Variants in CRAMP1 observed in about 807,000 individuals in gnomAD.
CRAMP1 encodes the protein cramped chromatin regulator 1.
Under a neutral mutation model 115.4 loss-of-function variants are expected in CRAMP1, and 50 were observed. That is an observed-to-expected ratio of 0.43 (90% CI 0.35 to 0.55). The LOEUF is 0.55. Among genes scored for constraint, CRAMP1 ranks in the 20% least tolerant of loss-of-function variants. The pLI is 0.01. For synonymous variants in CRAMP1, 866 were observed against 745.4 expected (o/e 1.16, Z -2.64); for missense variants, 1,679 against 1,721.7 (o/e 0.98, Z 0.44).
At chr16:1,624,183 C>T (rs1049516220) in intron 2 of CRAMP1, among the ~76,000 whole-genome samples, 1 of 150,540 alleles carries the variant, frequency 6.6e-6, no homozygotes, top group Non-Finnish European at 1.5e-5. Flanking sequence ...GCCTGAGTCT[C>T]ACTCTGTTGC....
Position 1,666,280 on chromosome 16 carries a change from AT to A in CRAMP1, c.2857+105del. ...TTTCTTCTCCAAATCATAATGTCTCATTACCCTTCACCAAGAACATCTAAGC... is the reference window on the plus strand; with the variant it reads ...TTTCTTCTCCAAATCATAATGTCTCATACCCTTCACCAAGAACATCTAAGC... On this transcript the variant is annotated intron_variant, in intron 15 of 20. Coordinates refer to ENST00000397412, the MANE Select transcript of CRAMP1 (RefSeq NM_020825.4). This position sits in a 1 kb window ranked among gnomAD's most constrained non-coding sequence, Gnocchi z 5.0. The A allele has an allele frequency of 8.5e-7, 1 of 1,171,578 alleles. No homozygotes were observed. Among genetic ancestry groups the A allele is most frequent in the South Asian group, 1.4e-5 (1 of 73,988 alleles). The allele number at this position is 1,171,578 out of a possible 1,614,324, so 72.6% of individuals were successfully genotyped here.
intron 9 of CRAMP1, among the ~76,000 whole-genome samples, chr16:1,655,520 C>T (rs755408661): frequency 7.9e-5 from 12 of 152,186 alleles, no homozygotes; most frequent in Non-Finnish European, 1.0e-4. Flanking sequence ...TCACAGCCAG[C>T]CCTCCACGAT....
In CRAMP1 at chr16:1,655,229, G is replaced by T; in HGVS notation, c.1048G>T (p.Glu350Ter). 6.2e-7 allele frequency: 1 copy of T among 1,613,838 alleles called. No individual in the cohort carries two copies. The highest frequency in any genetic ancestry group is 8.5e-7 in the Non-Finnish European group (1 of 1,179,738). Residue 350 changes from glutamate (E) to a stop codon, truncating the protein, a stop_gained, in exon 9 of 21, where the codon GAG becomes TAG. Transcript: ENST00000397412. LOFTEE classifies it high-confidence loss of function. ...CTGTCGTCTCCGTAGGATGATCGTGGAGCTACATCGAAAGGTCTCCAGCCT... is the reference window on the plus strand; with the variant it reads ...CTGTCGTCTCCGTAGGATGATCGTGTAGCTACATCGAAAGGTCTCCAGCCT... ...AQNPRLRMIV[E>*]LHRKVSSLIE...
Position 1,656,678 on chromosome 16 carries a change from CAGG to C in CRAMP1, c.1924_1926del (p.Glu642del), listed in dbSNP as rs2036778501. The C allele has an allele frequency of 1.3e-6, 2 of 1,569,078 alleles. No individual in the cohort carries two copies. Among genetic ancestry groups the C allele is most frequent in the South Asian group, 1.2e-5 (1 of 85,362 alleles). On this transcript the variant is annotated inframe_deletion, in exon 10 of 21. Transcript: ENST00000397412. This position sits in a 1 kb window ranked among gnomAD's most constrained non-coding sequence, Gnocchi z 5.6. ...GGCAGATGCACCTGCGGAGGAGCTC[CAGG>C]AGAAGGGGAGCCCCGCGGGGCCTCC...
chr16:1,622,985 TC>T (rs1378488940), intron 2 of CRAMP1, among the ~76,000 whole-genome samples: 1 of 152,004 alleles, frequency 6.6e-6, no homozygotes, highest in Non-Finnish European at 1.5e-5. Flanking sequence ...GATCTCGAAT[TC>T]CTGACCTCAA....
intron 3 of CRAMP1, 52 bp downstream of exon 3, chr16:1,626,218 C>A: frequency 7.1e-7 from 1 of 1,404,070 alleles, no homozygotes. Flanking sequence ...CCTCTCGGAT[C>A]CCTGCCCTCC....
At chr16:1,647,055 G>A (rs2036681350) in intron 6 of CRAMP1, 1 of 702,938 alleles carries the variant, frequency 1.4e-6, no homozygotes. Flanking sequence ...AACCTGTCAA[G>A]GTGAGAGATT....
chr16:1,668,102 C>T lies in CRAMP1; in HGVS notation c.3243C>T (p.Pro1081=), dbSNP rs2036891826. ...DVSALLDISL[P]GPPEDALSQG... ...CTGCTCTGCTCGACATCTCCCTGCC[C>T]GGCCCACCTGAGGATGCGCTGTCAC... The change falls in exon 18 of 21, where the codon CCC becomes CCT. Residue 1081 remains proline (P), a synonymous_variant. Transcript: ENST00000397412. The T allele has an allele frequency of 6.8e-6, 11 of 1,613,608 alleles. 1 individual carries two copies. Among genetic ancestry groups the T allele is most frequent in the Middle Eastern group, 1.6e-4 (1 of 6,084 alleles).
intron 6 of CRAMP1, among the ~76,000 whole-genome samples, chr16:1,648,113 A>G (rs1465157280): frequency 1.3e-5 from 2 of 151,896 alleles, no homozygotes; most frequent in African/African-American, 4.8e-5. Context: ...ACTTAGTTTG[A>G]TTGAAGGAAA....
chr16:1,619,372 G>A (rs2036447310), intron 2 of CRAMP1, among the ~76,000 whole-genome samples: 1 of 152,104 alleles, frequency 6.6e-6, no homozygotes, highest in South Asian at 2.1e-4. Flanking sequence ...GTAGAGATGG[G>A]GTTTTACCGT....
At chr16:1,673,717 C>T (rs1453116194) in intron 20 of CRAMP1, among the ~76,000 whole-genome samples, 164 bp from the exon 21 acceptor site, 2 of 152,188 alleles carry the variant, frequency 1.3e-5, no homozygotes, top group Non-Finnish European at 1.5e-5. Context: ...TGCGGGCAGA[C>T]GACAGGTGAT....
chr16:1,659,667 G>T (rs898414603), intron 10 of CRAMP1, among the ~76,000 whole-genome samples: 1 of 152,192 alleles, frequency 6.6e-6, no homozygotes, highest in Admixed American at 6.5e-5. Context: ...GATTACAGGC[G>T]TGAGCCACCG....
chr16:1,670,255 C>G (rs1252602193), intron 19 of CRAMP1, among the ~76,000 whole-genome samples: 1 of 150,816 alleles, frequency 6.6e-6, no homozygotes, highest in Non-Finnish European at 1.5e-5. Flanking sequence ...GAGCGAGACC[C>G]TGCCTTTAAA....
In CRAMP1 at chr16:1,614,753, G is replaced by A. The variant is rs1329081815; in HGVS notation, c.114G>A (p.Ala38=). The change falls in exon 2 of 21, where the codon GCG becomes GCA. Residue 38 remains alanine, a synonymous_variant. Coordinates refer to ENST00000397412, the MANE Select transcript of CRAMP1 (RefSeq NM_020825.4). The surrounding 1 kb of genome is among the most constrained non-coding windows in gnomAD (Gnocchi z 4.4). ...GAGAAGGGGCCGGCGGCGCAGACGC[G>A]GCCGAGGAGAGCAGCGGCACAAAGA... is the stretch of plus-strand genomic sequence containing the variant. ...LEGEGAGGAD[A]AEESSGTKRD... is the part of the protein sequence containing the mutation. 6.6e-6 allele frequency: 9 copies of A among 1,368,584 alleles called. No homozygotes were observed. The highest frequency in any genetic ancestry group is 1.9e-5 in the South Asian group (1 of 53,830). 84.8% of individuals were successfully genotyped at this position (1,368,584 alleles called of 1,614,324 possible).
rs2036974768 is a variant in CRAMP1 at position 1,676,988 on chromosome 16, T to C, written c.*2943T>C. Reference sequence around the variant, plus strand: ...AACCTTTTTAGTTTAATAGCATCTTTAATTAGATCACAGCATTGAATTCAA... The same window carrying C: ...AACCTTTTTAGTTTAATAGCATCTTCAATTAGATCACAGCATTGAATTCAA... On this transcript the variant is annotated 3_prime_UTR_variant, in exon 21 of 21. Transcript: ENST00000397412. The C allele has an allele frequency of 6.6e-6, 1 of 152,534 alleles. No individual in the cohort carries two copies. Among genetic ancestry groups the C allele is most frequent in the Non-Finnish European group, 1.5e-5 (1 of 68,048 alleles). The allele number at this position is 152,534 out of a possible 1,614,324, so 9.4% of individuals were successfully genotyped here.
chr16:1,652,405 C>G, intron 6 of CRAMP1, 91 bp from the exon 7 acceptor site: 1 of 1,176,816 alleles, frequency 8.5e-7, no homozygotes, highest in Non-Finnish European at 1.2e-6. Context: ...CAGGCCCCAC[C>G]TGGCCTGGCT....
rs1489852033 is a variant in CRAMP1 at position 1,612,382 on chromosome 16, G to A, written c.-277G>A. 6.6e-6 allele frequency: 1 copy of A among 151,758 alleles called. No individual in the cohort carries two copies. Among genetic ancestry groups the A allele is most frequent in the Non-Finnish European group, 1.5e-5 (1 of 67,758 alleles). The allele number at this position is 151,758 out of a possible 1,614,324, so 9.4% of individuals were successfully genotyped here. ...CGTGAGGTCCCCACCGGCCGCCGTA[G>A]CCGGAACTGCTGCTGAGGGCGGCGG... On this transcript the variant is annotated 5_prime_UTR_variant, in exon 1 of 21. Transcript: ENST00000397412.
chr16:1,668,036 G>T lies in CRAMP1; in HGVS notation c.3177G>T (p.Ser1059=). 1 of 1,613,834 alleles carries T rather than the reference G, an allele frequency of 6.2e-7. No homozygotes were observed. The highest frequency in any genetic ancestry group is 8.5e-7 in the Non-Finnish European group (1 of 1,179,870). The change falls in exon 18 of 21, where the codon TCG becomes TCT. Residue 1059 remains serine (S), a synonymous_variant. Coordinates refer to ENST00000397412, the MANE Select transcript of CRAMP1 (RefSeq NM_020825.4). ...LQNGLSIPLS[S]SESSSTRLSP... ...ATGGCCTCTCCATACCGCTGTCCTC[G>T]TCAGAGAGCTCCAGCACCCGGCTGT...
chr16:1,667,233 A>G (rs1048783154), intron 16 of CRAMP1, 102 bp from the exon 17 acceptor site: 13 of 867,776 alleles, frequency 1.5e-5, no homozygotes, highest in Middle Eastern at 5.7e-4. Context: ...TTAGGAGGCC[A>G]GGGGGATGGA....
Sources: gnomAD v4.1 joint callset for allele counts (sites outside exome capture counted in the v4.1 genomes callset) on GRCh38, gnomAD v4.1.1 for gene constraint, Gnocchi (gnomAD v3.1) non-coding constraint, MANE v1.5 for transcripts, NCBI Gene and HGNC (gene_info 2026-07-23, HGNC 2026-07-21) for gene names.